Variants in PMPCB observed in about 807,000 individuals in gnomAD.
PMPCB encodes the protein peptidase, mitochondrial processing subunit beta.
A neutral mutation model predicts 61.5 loss-of-function variants in PMPCB; 46 were observed. The observed-to-expected ratio is 0.75, with a 90% CI of 0.59 to 0.96. The LOEUF (loss-of-function observed/expected upper bound fraction) is 0.96, where lower values mean the gene tolerates loss of function less well. Among genes scored for constraint, PMPCB ranks in the 40% least tolerant of loss-of-function variants. The probability of loss-of-function intolerance (pLI) is 0.00; values close to 1 mark genes in which losing one functional copy is unlikely to be tolerated. For synonymous variants in PMPCB, 191 were observed against 201.6 expected (o/e 0.95, Z 0.44); for missense variants, 590 against 602.4 (o/e 0.98, Z 0.22).
At chr7:103,317,114 A>G, downstream of PMPCB, 2 of 1,048,386 alleles carry the variant, frequency 1.9e-6, no homozygotes, top group Non-Finnish European at 2.8e-6. Context: ...TCTCAATGTC[A>G]TTCTCACTCT....
chr7:103,334,119 A>T (rs1819076207), downstream of PMPCB, among the ~76,000 whole-genome samples: 1 of 151,856 alleles, frequency 6.6e-6, no homozygotes, highest in Non-Finnish European at 1.5e-5. Flanking sequence ...CCCAGCTGAT[A>T]TTTTTGTATT....
At chr7:103,344,483 C>T in the PMPCB span, 3 of 1,548,610 alleles carry the variant, frequency 1.9e-6, no homozygotes, top group Non-Finnish European at 2.7e-6. Context: ...GTAGAGAGAG[C>T]CCAGGGTTGC....
At chr7:103,299,363 C>T in intron 2 of PMPCB, 80 bp from the exon 3 acceptor site, 1 of 787,826 alleles carries the variant, frequency 1.3e-6, no homozygotes, top group South Asian at 1.8e-5. Context: ...AAGCATTTGT[C>T]AGAAAAAGGA....
chr7:103,311,421 T>C (rs1817747600), intron 9 of PMPCB: 2 of 555,720 alleles, frequency 3.6e-6, no homozygotes, highest in African/African-American at 3.8e-5. Context: ...ATCAGCCCAT[T>C]TGTATAAAGC....
rs1013472204 is a variant in PMPCB at position 103,314,241 on chromosome 7, G to T, written c.*1970G>T. 2.5e-5 allele frequency: 25 copies of T among 985,370 alleles called. No individual in the cohort carries two copies. Among genetic ancestry groups the T allele is most frequent in the Non-Finnish European group, 2.7e-5 (22 of 829,882 alleles). The allele number at this position is 985,370 out of a possible 1,614,324, so 61.0% of individuals were successfully genotyped here. On this transcript the variant is annotated 3_prime_UTR_variant, in exon 13 of 13. Transcript: ENST00000249269. Reference sequence around the variant, plus strand: ...GAAAAAAGATGGAAGTGACATGGCAGTATTTCCTGCTGTTCTCCAGTTACT... The same window carrying T: ...GAAAAAAGATGGAAGTGACATGGCATTATTTCCTGCTGTTCTCCAGTTACT...
the PMPCB span, among the ~76,000 whole-genome samples, chr7:103,341,097 CCT>C: frequency 2.6e-5 from 4 of 152,122 alleles, no homozygotes; most frequent in Admixed American, 6.6e-5. Flanking sequence ...AAATCTGACC[CCT>C]CTTCCTCAAA....
chr7:103,312,349 T>C lies in PMPCB; in HGVS notation c.*78T>C, dbSNP rs1194027086. 6.3e-6 allele frequency: 10 copies of C among 1,576,732 alleles called. No individual in the cohort carries two copies. The East Asian group carries it at 2.0e-4, about 32-fold the overall frequency. On this transcript the variant is annotated 3_prime_UTR_variant, in exon 13 of 13. Transcript: ENST00000249269. ...AGAAAAATAAAAATGAACATGTATATACATTTGGAAATTTGAATTAAATAC... is the reference window on the plus strand; with the variant it reads ...AGAAAAATAAAAATGAACATGTATACACATTTGGAAATTTGAATTAAATAC...
intron 12 of PMPCB, chr7:103,320,762 CAT>C (rs71519145): frequency 0.55 from 74,215 of 135,516 alleles, 19,698 homozygotes; most frequent in Middle Eastern, 0.58. Context: ...TATATATACA[CAT>C]ATATATATAT....
intron 3 of PMPCB, among the ~76,000 whole-genome samples, chr7:103,299,872 C>T (rs1449454080): frequency 6.6e-6 from 1 of 152,090 alleles, no homozygotes; most frequent in Non-Finnish European, 1.5e-5. Context: ...AGGCTCAAGC[C>T]ATCCTCCCAC....
intron 2 of PMPCB, 65 bp downstream of exon 2, chr7:103,298,773 A>T: frequency 6.7e-7 from 1 of 1,497,832 alleles, no homozygotes; most frequent in Non-Finnish European, 9.1e-7. Context: ...GTTGATTTTA[A>T]TCTTTAGCTT....
rs915961452 is a variant in PMPCB at position 103,313,600 on chromosome 7, C to T, written c.*1329C>T. 2 of 982,374 alleles carry T rather than the reference C, an allele frequency of 2.0e-6. No homozygotes were observed. The highest frequency in any genetic ancestry group is 4.7e-5 in the South Asian group (1 of 21,218). 60.9% of individuals were successfully genotyped at this position (982,374 alleles called of 1,614,324 possible). On this transcript the variant is annotated 3_prime_UTR_variant, in exon 13 of 13. Coordinates refer to ENST00000249269, the MANE Select transcript of PMPCB (RefSeq NM_004279.3). ...AAACCTAGCAAAATTAAGCCAAGTGCCCAAGGTACCAGTGCTGGAGAGGCA... is the reference window on the plus strand; with the variant it reads ...AAACCTAGCAAAATTAAGCCAAGTGTCCAAGGTACCAGTGCTGGAGAGGCA...
Position 103,312,049 on chromosome 7 carries a change from A to T in PMPCB, c.1330-7A>T, listed in dbSNP as rs372802987. 2.5e-6 allele frequency: 4 copies of T among 1,612,504 alleles called. No homozygotes were observed. The African/African-American group carries it at 5.3e-5, about 22-fold the overall frequency. ...ACAGCTGAATGACAGTGTCTTCCAT[A>T]TTTCAGGCTGTGAATGCTGAGACAA... On this transcript the variant is annotated splice_region_variant and splice_polypyrimidine_tract_variant and intron_variant, in intron 11 of 12. Transcript: ENST00000249269.
downstream of PMPCB, among the ~76,000 whole-genome samples, chr7:103,315,064 AACAC>A (rs749073734): frequency 6.6e-6 from 1 of 152,136 alleles, no homozygotes; most frequent in Non-Finnish European, 1.5e-5. Context: ...TTTTCTATTC[AACAC>A]ACTAAATTGA....
chr7:103,338,903 C>A, the PMPCB span, among the ~76,000 whole-genome samples: 1 of 151,990 alleles, frequency 6.6e-6, no homozygotes, highest in African/African-American at 2.4e-5. Flanking sequence ...GAGTGAGACT[C>A]CGTCTCAAAA....
intron 12 of PMPCB, chr7:103,326,746 A>G: frequency 1.3e-6 from 2 of 1,483,734 alleles, no homozygotes; most frequent in Non-Finnish European, 1.8e-6. Context: ...CTGCAAGAAA[A>G]CAAGTATTTC....
intron 4 of PMPCB, among the ~76,000 whole-genome samples, chr7:103,302,458 C>A (rs1261450301): frequency 1.3e-5 from 2 of 152,126 alleles, no homozygotes; most frequent in East Asian, 3.9e-4. Context: ...CAGGGTAGAC[C>A]ACCAATCCCA....
Position 103,300,246 on chromosome 7 carries a change from C to T in PMPCB, c.396C>T (p.Ala132=), listed in dbSNP as rs1229646882. 2 of 1,611,270 alleles carry T rather than the reference C, an allele frequency of 1.2e-6. No individual in the cohort carries two copies. Among genetic ancestry groups the T allele is most frequent in the Non-Finnish European group, 1.7e-6 (2 of 1,177,626 alleles). ...AAAATATGGGTGCTCATCTCAATGC[C>T]TATACCTCCAGAGAGCAGACTGTAT... ...EIENMGAHLN[A]YTSREQTVYY... Residue 132 remains alanine, a synonymous_variant, in exon 4 of 13, where the codon GCC becomes GCT. Coordinates refer to ENST00000249269, the MANE Select transcript of PMPCB (RefSeq NM_004279.3).
At chr7:103,318,972 G>A (rs10273102), downstream of PMPCB, among the ~76,000 whole-genome samples, 1,791 of 152,186 alleles carry the variant, frequency 0.012, 35 homozygotes, top group African/African-American at 0.041. Context: ...AATCCTTTGG[G>A]AGGCCAATGC....
At chr7:103,317,247 C>T, downstream of PMPCB, 2 of 470,344 alleles carry the variant, frequency 4.3e-6, no homozygotes, top group Non-Finnish European at 7.5e-6. Context: ...TTTCCCAGTA[C>T]TCATGTCATG....
Sources: gnomAD v4.1 joint callset for allele counts (sites outside exome capture counted in the v4.1 genomes callset) on GRCh38, gnomAD v4.1.1 for gene constraint, MANE v1.5 for transcripts, NCBI Gene and HGNC (gene_info 2026-07-23, HGNC 2026-07-21) for gene names.